CHCHD3: variants seen among roughly 807,000 people sequenced by gnomAD.
The protein encoded by CHCHD3 is coiled-coil-helix-coiled-coil-helix domain containing 3.
A neutral mutation model predicts 38.2 loss-of-function variants in CHCHD3; 20 were observed. The ratio of observed to expected loss-of-function variants is 0.52; its 90% confidence interval spans 0.37 to 0.76. The LOEUF (loss-of-function observed/expected upper bound fraction) is 0.76, where lower values mean the gene tolerates loss of function less well. Ranked by LOEUF, CHCHD3 falls within the 30% of genes least tolerant of loss-of-function variation. The probability of loss-of-function intolerance (pLI) is 0.00; values close to 1 mark genes in which losing one functional copy is unlikely to be tolerated. For synonymous variants in CHCHD3, 82 were observed against 100.0 expected (o/e 0.82, Z 1.07); for missense variants, 245 against 279.2 (o/e 0.88, Z 0.87).
At chr7:133,036,080 A>G in intron 2 of CHCHD3, 1 of 683,828 alleles carries the variant, frequency 1.5e-6, no homozygotes, top group Non-Finnish European at 2.6e-6. Context: ...ATAATTCGCT[A>G]GGCAATTGAG....
chr7:132,898,126 T>C (rs950192906), intron 4 of CHCHD3, among the ~76,000 whole-genome samples: 15 of 152,164 alleles, frequency 9.9e-5, no homozygotes, highest in African/African-American at 3.4e-4. Flanking sequence ...CGGTGAGTGT[T>C]ACAGCTCATA....
At chr7:132,955,186 G>GTGTGTGTGTGTGTA (rs1554393855) in intron 4 of CHCHD3, among the ~76,000 whole-genome samples, 13 of 150,034 alleles carry the variant, frequency 8.7e-5, no homozygotes, top group African/African-American at 2.9e-4. Context: ...GTGTGTGTGT[G>GTGTGTGTGTGTGTA]TGTGTGTGTG....
chr7:132,805,585 C>A (rs924705089), intron 6 of CHCHD3, among the ~76,000 whole-genome samples: 4 of 152,064 alleles, frequency 2.6e-5, no homozygotes, highest in Non-Finnish European at 4.4e-5. Context: ...GTCTATCCTG[C>A]AGGTGTTGAC....
intron 3 of CHCHD3, among the ~76,000 whole-genome samples, chr7:132,989,691 T>C (rs879547250): frequency 2.6e-5 from 4 of 152,168 alleles, no homozygotes; most frequent in African/African-American, 4.8e-5. Context: ...AATGTTCCTA[T>C]ATCCATGGCT....
chr7:132,836,553 C>A (rs1319021364), intron 6 of CHCHD3, among the ~76,000 whole-genome samples: 1 of 152,142 alleles, frequency 6.6e-6, no homozygotes, highest in Non-Finnish European at 1.5e-5. Context: ...AATCATAGCT[C>A]ACTGCAGTCC....
chr7:132,974,598 G>A (rs774014414), intron 4 of CHCHD3, among the ~76,000 whole-genome samples: 4 of 152,258 alleles, frequency 2.6e-5, no homozygotes, highest in East Asian at 1.9e-4. Context: ...AAGACAGGCC[G>A]GGCTCGGTGG....
rs567260949 is a variant in CHCHD3 at position 132,932,398 on chromosome 7, G to A, written c.369+42771C>T. Reference sequence around the variant, plus strand: ...CACAGAAAAGAATCAAGACAGTGTGGAATCAAACAGCACATTTTATTGTTC... The same window carrying A: ...CACAGAAAAGAATCAAGACAGTGTGAAATCAAACAGCACATTTTATTGTTC... On this transcript the variant is annotated intron_variant, in intron 4 of 7. Transcript: ENST00000262570. Among the ~76,000 whole-genome samples, 283 of 152,280 alleles carry A rather than the reference G, an allele frequency of 1.9e-3. 2 individuals carry two copies. The highest frequency in any genetic ancestry group is 6.7e-3 in the African/African-American group (277 of 41,568).
chr7:133,061,790 CCAGAAT>C (rs1202724233), intron 2 of CHCHD3, among the ~76,000 whole-genome samples: 1 of 152,196 alleles, frequency 6.6e-6, no homozygotes, highest in Non-Finnish European at 1.5e-5. Context: ...GCATATAGAA[CCAGAAT>C]ATTGTCATAA....
intron 5 of CHCHD3, among the ~76,000 whole-genome samples, chr7:132,860,523 T>C (rs1028547985): frequency 2.0e-5 from 3 of 152,206 alleles, no homozygotes; most frequent in South Asian, 2.1e-4. Context: ...TCAGGCCTTA[T>C]TGGCTTCCTT....
intron 1 of CHCHD3, among the ~76,000 whole-genome samples, chr7:133,076,740 C>T (rs562037067): frequency 6.6e-6 from 1 of 152,188 alleles, no homozygotes; most frequent in South Asian, 2.1e-4. Context: ...GTGAGTTGGA[C>T]AAAGAGAAAG....
intron 6 of CHCHD3, among the ~76,000 whole-genome samples, chr7:132,824,314 C>CTTTTTTTTTTT (rs57262694): frequency 0.012 from 1,057 of 90,108 alleles, 106 homozygotes; most frequent in Non-Finnish European, 0.015. Context: ...TAGTAGAACT[C>CTTTTTTTTTTT]TTTTTTTTTT....
rs1185847672 is a variant in CHCHD3, at chr7:132,930,846, G to A, written c.369+44323C>T. ...CACATTTCAAATCCCTATGCCCCTT[G>A]CAGCTCTGACACTTACTCTTCTAAG... On this transcript the variant is annotated intron_variant, in intron 4 of 7. Transcript: ENST00000262570. Among the ~76,000 whole-genome samples the A allele has an allele frequency of 2.6e-5, 4 of 152,136 alleles. No individual in the cohort carries two copies. In the East Asian group the frequency reaches 7.7e-4, roughly 29 times the overall value.
intron 4 of CHCHD3, among the ~76,000 whole-genome samples, chr7:132,907,773 A>C (rs1216824542): frequency 3.3e-5 from 5 of 152,188 alleles, no homozygotes. Flanking sequence ...CAGTAGGGAA[A>C]CCATTAAAGG....
chr7:133,050,868 T>G (rs1254232522), intron 2 of CHCHD3, among the ~76,000 whole-genome samples: 1 of 151,508 alleles, frequency 6.6e-6, no homozygotes, highest in African/African-American at 2.4e-5. Flanking sequence ...TACAAAAAAT[T>G]AGCCAGGCGT....
chr7:132,812,040 AT>A lies in CHCHD3; in HGVS notation c.525-15464del, dbSNP rs375840942. Reference sequence around the variant, plus strand: ...TAATTCCCTCCTCTACCTCCAATTTATTTTTTTTCTTCCCCATCTCAGTAAA... The same window carrying A: ...TAATTCCCTCCTCTACCTCCAATTTATTTTTTTCTTCCCCATCTCAGTAAA... On this transcript the variant is annotated intron_variant, in intron 6 of 7. Transcript: ENST00000262570. Among the ~76,000 whole-genome samples the A allele has an allele frequency of 6.5e-3, 985 of 151,374 alleles. 10 individuals carry two copies. The highest frequency in any genetic ancestry group is 0.023 in the African/African-American group (963 of 41,216).
At chr7:132,860,315 A>AG (rs201474273) in intron 5 of CHCHD3, among the ~76,000 whole-genome samples, 7,561 of 99,368 alleles carry the variant, frequency 0.076, 213 homozygotes, top group South Asian at 0.1. Context: ...AGAGAGAGAG[A>AG]AAGAGAGAGA....
chr7:132,883,110 G>A (rs938953924), intron 5 of CHCHD3, among the ~76,000 whole-genome samples: 1 of 152,138 alleles, frequency 6.6e-6, no homozygotes, highest in Non-Finnish European at 1.5e-5. Context: ...TAAGTTTCCT[G>A]AGGCCTCCCT....
intron 3 of CHCHD3, among the ~76,000 whole-genome samples, chr7:133,022,858 A>AG (rs1201715492): frequency 6.7e-6 from 1 of 150,082 alleles, no homozygotes; most frequent in Non-Finnish European, 1.5e-5. Flanking sequence ...AAGAAGAAGA[A>AG]AAAAAAAAAA....
chr7:132,912,326 A>G (rs1809972797), intron 4 of CHCHD3, among the ~76,000 whole-genome samples: 1 of 152,212 alleles, frequency 6.6e-6, no homozygotes, highest in South Asian at 2.1e-4. Flanking sequence ...TGCCTGGCCC[A>G]AGGTTCTGAT....
Sources: gnomAD v4.1 joint callset for allele counts (sites outside exome capture counted in the v4.1 genomes callset) on GRCh38, gnomAD v4.1.1 for gene constraint, MANE v1.5 for transcripts, NCBI Gene and HGNC (gene_info 2026-07-23, HGNC 2026-07-21) for gene names.